Variants in ABCC5 observed in about 807,000 individuals in gnomAD.
ABCC5 encodes the protein ATP-binding cassette sub-family C member 5.
A neutral mutation model predicts 160.9 loss-of-function variants in ABCC5; 61 were observed. The ratio of observed to expected loss-of-function variants is 0.38; its 90% CI spans 0.31 to 0.47. The LOEUF (loss-of-function observed/expected upper bound fraction) is 0.47, where lower values mean the gene tolerates loss of function less well. Ranked by LOEUF, ABCC5 falls within the 20% of genes least tolerant of loss-of-function variation. The pLI is 0.99. For synonymous variants in ABCC5, 666 were observed against 700.6 expected, an observed-to-expected ratio of 0.95 and a Z score of 0.78; for missense variants, 1,308 against 1,813.3, an observed-to-expected ratio of 0.72 and a Z score of 5.06.
At chr3:183,984,585 T>C in intron 5 of ABCC5, 4 of 1,348,536 alleles carry the variant, frequency 3.0e-6, no homozygotes, top group Non-Finnish European at 3.8e-6. Context: ...AATCAGATTT[T>C]TGCCAAGTCC....
chr3:183,954,145 T>TTC (rs1489109486), intron 17 of ABCC5, among the ~76,000 whole-genome samples: 2 of 135,342 alleles, frequency 1.5e-5, no homozygotes, highest in East Asian at 4.4e-4. Flanking sequence ...GGTCTCATGT[T>TTC]TTGTGTGTGT....
rs188007734 is a variant in ABCC5, at chr3:183,959,637, C to A, written c.2482+96G>T. The A allele has an allele frequency of 2.6e-5, 24 of 934,210 alleles. No homozygotes were observed. The East Asian group carries it at 5.7e-4, about 22-fold the overall frequency. The allele number at this position is 934,210 out of a possible 1,614,324, so 57.9% of individuals were successfully genotyped here. On this transcript the variant is annotated intron_variant, in intron 17 of 29. Transcript: ENST00000334444. ...TGTAAGACCAAGTATTTATATTGTA[C>A]ACACACTGCTATCAAACATCATGAA...
At chr3:183,970,954 G>A (rs16858293) in intron 11 of ABCC5, among the ~76,000 whole-genome samples, 4,533 of 152,078 alleles carry the variant, frequency 0.03, 102 homozygotes, top group Middle Eastern at 0.061. Flanking sequence ...ATACACATCC[G>A]GGGCCCTCTA....
At chr3:183,977,120 T>G (rs1422405037) in intron 10 of ABCC5, among the ~76,000 whole-genome samples, 1 of 152,184 alleles carries the variant, frequency 6.6e-6, no homozygotes, top group Non-Finnish European at 1.5e-5. Context: ...GGATTCAGCA[T>G]GTCAATCAAT....
intron 2 of ABCC5, chr3:184,010,113 C>G (rs1361833970): frequency 3.8e-6 from 1 of 261,358 alleles, no homozygotes; most frequent in Non-Finnish European, 7.8e-6. Flanking sequence ...TCAAGACCAG[C>G]CTGGCCAATG....
intron 2 of ABCC5, among the ~76,000 whole-genome samples, chr3:183,995,579 G>A (rs944934437): frequency 1.3e-5 from 2 of 152,132 alleles, no homozygotes; most frequent in African/African-American, 2.4e-5. Context: ...CACTTATGTC[G>A]AAAAGTTGGC....
At chr3:183,990,072 G>A (rs974458549) in intron 2 of ABCC5, among the ~76,000 whole-genome samples, 1 of 150,910 alleles carries the variant, frequency 6.6e-6, no homozygotes, top group African/African-American at 2.4e-5. Flanking sequence ...CAAAGTGCTG[G>A]GATTACAGGC....
chr3:183,977,708 G>T, intron 9 of ABCC5, 84 bp from the exon 10 acceptor site: 3 of 900,750 alleles, frequency 3.3e-6, no homozygotes, highest in Non-Finnish European at 5.2e-6. Flanking sequence ...CCTCTCAGGC[G>T]CTAGGAAGGC....
At position 183,967,682 on chromosome 3, in the gene ABCC5, A is replaced by G. The variant is rs1717352388; in HGVS notation, c.1833+13T>C. On this transcript the variant is annotated intron_variant, in intron 12 of 29. Coordinates refer to ENST00000334444, the MANE Select transcript of ABCC5 (RefSeq NM_005688.4). ...GAGAAAGCAGCAGAAAAGGACAATAACAAAAATCTTACCTGGCCTAAAATG... is the reference window on the plus strand; with the variant it reads ...GAGAAAGCAGCAGAAAAGGACAATAGCAAAAATCTTACCTGGCCTAAAATG... 3.1e-6 allele frequency: 5 copies of G among 1,609,148 alleles called. No homozygotes were observed. Among genetic ancestry groups the G allele is most frequent in the Non-Finnish European group, 4.3e-6 (5 of 1,175,664 alleles).
Position 183,925,632 on chromosome 3 carries a change from A to G in ABCC5, c.4135T>C (p.Cys1379Arg). 6.2e-7 allele frequency: 1 copy of G among 1,613,886 alleles called. No individual in the cohort carries two copies. The highest frequency in any genetic ancestry group is 1.1e-5 in the South Asian group (1 of 91,056). The stretch of plus-strand genomic sequence containing the variant: ...CGATGGGCAATGGTCAGCATGGTAC[A>G]GTCTGCAAATGCTTCTCGGATGGTC... ...QETIREAFAD[C>R]TMLTIAHRLH... Residue 1379 changes from cysteine (C) to arginine (R), a missense_variant, in exon 29 of 30, where the codon TGT becomes CGT. Physicochemically the swap from Cys to Arg is radical, Grantham distance 180. Around this residue, in one of 3 missense-constraint regions of ABCC5, gnomAD observed 163 missense variants for 269.7 expected, o/e 0.60. Transcript: ENST00000334444.
chr3:183,994,163 C>CA (rs1240377317), intron 2 of ABCC5, among the ~76,000 whole-genome samples: 3 of 151,740 alleles, frequency 2.0e-5, no homozygotes, highest in Non-Finnish European at 2.9e-5. Flanking sequence ...CCATTTTGCC[C>CA]AGGCTAGTCT....
Position 183,981,819 on chromosome 3 carries a change from T to C in ABCC5, c.1055A>G (p.Asp352Gly). ...TTCATTCATCTTCTGGACACGTTCA[T>C]CCGTGGCGGCCACGCATTTTCTCCT... ...YFRRKCVAAT[D>G]ERVQKMNEVL... The change falls in exon 8 of 30, where the codon GAT becomes GGT. Residue 352 changes from aspartate to glycine, a missense_variant. Physicochemically the swap from Asp to Gly is moderately conservative, Grantham distance 94. Coordinates refer to ENST00000334444, the MANE Select transcript of ABCC5 (RefSeq NM_005688.4). The C allele has an allele frequency of 6.2e-7, 1 of 1,611,850 alleles. No homozygotes were observed. The highest frequency in any genetic ancestry group is 8.5e-7 in the Non-Finnish European group (1 of 1,179,454).
At chr3:183,973,208 C>T (rs925036587) in intron 10 of ABCC5, among the ~76,000 whole-genome samples, 3 of 151,834 alleles carry the variant, frequency 2.0e-5, no homozygotes, top group Non-Finnish European at 4.4e-5. Flanking sequence ...GTGCCCGCCA[C>T]CACGCCTGGC....
rs752578796 is a variant in ABCC5, at chr3:183,959,706, T to C, written c.2482+27A>G. 40 of 1,516,416 alleles carry C rather than the reference T, an allele frequency of 2.6e-5. No individual in the cohort carries two copies. The East Asian group carries it at 8.6e-4, about 32-fold the overall frequency. 93.9% of individuals were successfully genotyped at this position (1,516,416 alleles called of 1,614,324 possible). ...ATTTCTGATAAACTTTGATGACAAA[T>C]CTAAAAATTTCAAAAAAGGCCATTA... On this transcript the variant is annotated intron_variant, in intron 17 of 29. Transcript: ENST00000334444.
Position 183,980,901 on chromosome 3 carries a change from C to T in ABCC5, c.1147+826G>A, listed in dbSNP as rs370730901. Among the ~76,000 whole-genome samples, 11 of 151,956 alleles carry T rather than the reference C, an allele frequency of 7.2e-5. 1 individual carries two copies. In the South Asian group the frequency reaches 1.9e-3, roughly 26 times the overall value. ...CTTATTTTTGTATTTTTAGTACAGACGGGGTTTCACTATATTGGCCAGGCT... is the reference window on the plus strand; with the variant it reads ...CTTATTTTTGTATTTTTAGTACAGATGGGGTTTCACTATATTGGCCAGGCT... On this transcript the variant is annotated intron_variant, in intron 8 of 29. Transcript: ENST00000334444.
intron 15 of ABCC5, among the ~76,000 whole-genome samples, 164 bp from the exon 16 acceptor site, chr3:183,961,818 C>T (rs1192591181): frequency 6.6e-6 from 1 of 152,098 alleles, no homozygotes; most frequent in Non-Finnish European, 1.5e-5. Context: ...CTTGCTCTGT[C>T]GTTCACGCTG....
chr3:183,940,344 C>CAA (rs780123476), intron 25 of ABCC5, among the ~76,000 whole-genome samples: 15,961 of 121,494 alleles, frequency 0.13, 1,179 homozygotes, highest in East Asian at 0.37. Flanking sequence ...CTAAAAAATA[C>CAA]AAAAAAAAAA....
At position 183,951,709 on chromosome 3, in the gene ABCC5, G is replaced by T; in HGVS notation, c.2815-139C>A. On this transcript the variant is annotated intron_variant, in intron 19 of 29. Coordinates refer to ENST00000334444, the MANE Select transcript of ABCC5 (RefSeq NM_005688.4). This position sits in a 1 kb window ranked among gnomAD's most constrained non-coding sequence, Gnocchi z 4.7. The stretch of plus-strand genomic sequence containing the variant: ...GAGGGACAGGTGGCAAGTGAGAAAA[G>T]GTGGAGGCTAACGGAATATGAGTCA... The T allele has an allele frequency of 6.8e-7, 1 of 1,466,264 alleles. No homozygotes were observed. Among genetic ancestry groups the T allele is most frequent in the Non-Finnish European group, 9.2e-7 (1 of 1,082,932 alleles). The allele number at this position is 1,466,264 out of a possible 1,614,324, so 90.8% of individuals were successfully genotyped here. A position where few individuals can be genotyped will look rare whatever the true frequency, so the allele number is the denominator to read the frequency against.
chr3:183,991,244 C>A (rs1719734867), intron 2 of ABCC5, among the ~76,000 whole-genome samples: 1 of 151,722 alleles, frequency 6.6e-6, no homozygotes, highest in Non-Finnish European at 1.5e-5. Flanking sequence ...CTGCAATGAG[C>A]TATGATCGTA....
Sources: allele counts gnomAD v4.1 joint callset (sites outside exome capture counted in the v4.1 genomes callset), GRCh38; gene constraint gnomAD v4.1.1; regional missense constraint gnomAD v4.1.1; non-coding constraint Gnocchi (gnomAD v3.1); transcripts MANE v1.5; gene names NCBI Gene and HGNC (gene_info 2026-07-23, HGNC 2026-07-21).